Variants in PCDHGA4 observed in about 807,000 individuals in gnomAD.
PCDHGA4 encodes the protein protocadherin gamma subfamily A, 4, also known as protocadherin gamma-A4.
Under a neutral mutation model 54.6 loss-of-function variants are expected in PCDHGA4, and 38 were observed. The observed-to-expected ratio is 0.70, with a 90% CI of 0.54 to 0.91. PCDHGA4 has a LOEUF of 0.91. PCDHGA4 is among the 40% of genes least tolerant of loss of function. PCDHGA4 has a pLI of 0.00. For missense variants in PCDHGA4, 1,298 were observed against 1,220.9 expected, an observed-to-expected ratio of 1.06 and a Z score of -0.94; for synonymous variants, 511 against 512.9, an observed-to-expected ratio of 1.00 and a Z score of 0.05.
chr5:141,423,474 T>C, intron 1 of PCDHGA4: 1 of 1,614,004 alleles, frequency 6.2e-7, no homozygotes, highest in Non-Finnish European at 8.5e-7. Flanking sequence ...GGGTACAGGC[T>C]TTCCTGCAAA....
chr5:141,382,744 A>G (rs767790688), intron 1 of PCDHGA4: 6 of 592,898 alleles, frequency 1.0e-5, no homozygotes, highest in Non-Finnish European at 1.7e-5. Context: ...GAAACGACAG[A>G]TTGCGATAAG....
chr5:141,383,098 A>T, intron 1 of PCDHGA4: 2 of 1,613,954 alleles, frequency 1.2e-6, no homozygotes, highest in Non-Finnish European at 1.7e-6. Context: ...AGTCCGCATC[A>T]TCTCCAGAGG....
intron 1 of PCDHGA4, chr5:141,375,808 G>A (rs992921332): frequency 6.2e-7 from 1 of 1,614,226 alleles, no homozygotes; most frequent in Non-Finnish European, 8.5e-7. Context: ...CCACTGGCGT[G>A]GAGCTGGCGC....
At chr5:141,449,467 C>G (rs1356192128) in intron 1 of PCDHGA4, among the ~76,000 whole-genome samples, 1 of 150,842 alleles carries the variant, frequency 6.6e-6, no homozygotes, top group South Asian at 2.1e-4. Flanking sequence ...ATTAGCCAGG[C>G]CTGGTACCCC....
intron 1 of PCDHGA4, among the ~76,000 whole-genome samples, chr5:141,474,763 A>G (rs2099354251): frequency 6.6e-6 from 1 of 152,254 alleles, no homozygotes; most frequent in Non-Finnish European, 1.5e-5. Flanking sequence ...ATATACAGAA[A>G]TAGTATGAGG....
chr5:141,439,709 A>G (rs2098127560), intron 1 of PCDHGA4: 1 of 152,540 alleles, frequency 6.6e-6, no homozygotes, highest in African/African-American at 2.4e-5. Context: ...TATGGCTCCT[A>G]GTTCTACAAA....
At chr5:141,371,225 C>A in intron 1 of PCDHGA4, 1 of 1,614,046 alleles carries the variant, frequency 6.2e-7, no homozygotes, top group Non-Finnish European at 8.5e-7. Context: ...ATGCCGAAAT[C>A]ATCTATGCCT....
In PCDHGA4 at chr5:141,487,406, C is replaced by T; in HGVS notation, c.2515-7401C>T. The T allele has an allele frequency of 6.2e-7, 1 of 1,614,200 alleles. No individual in the cohort carries two copies. The highest frequency in any genetic ancestry group is 8.5e-7 in the Non-Finnish European group (1 of 1,180,044). ...ATCTCGAAGGAGGGAGGGGCTTCCC[C>T]CTTCCAATGGGATCCTCCGAATCCA... On this transcript the variant is annotated intron_variant, in intron 1 of 3. Coordinates refer to ENST00000571252, the MANE Select transcript of PCDHGA4 (RefSeq NM_018917.4). The surrounding 1 kb of genome is among the most constrained non-coding windows in gnomAD (Gnocchi z 5.0).
chr5:141,430,949 GT>G (rs1391027030), intron 1 of PCDHGA4: 5 of 1,610,510 alleles, frequency 3.1e-6, no homozygotes, highest in Non-Finnish European at 4.2e-6. Flanking sequence ...GGAGCGCGGA[GT>G]CCGCATCATC....
intron 1 of PCDHGA4, chr5:141,367,192 T>G (rs1764986193): frequency 6.3e-6 from 1 of 158,980 alleles, no homozygotes; most frequent in African/African-American, 2.4e-5. Flanking sequence ...GGAAATAATT[T>G]ACAGTATTTA....
At chr5:141,364,873 T>A (rs1002059027) in intron 1 of PCDHGA4, 1 of 1,613,852 alleles carries the variant, frequency 6.2e-7, no homozygotes, top group Non-Finnish European at 8.5e-7. Flanking sequence ...TCTCTCTGGA[T>A]GTGGTAAGCG....
Position 141,477,203 on chromosome 5 carries a change from G to A in PCDHGA4, c.2515-17604G>A. The A allele has an allele frequency of 6.2e-7, 1 of 1,614,176 alleles. No individual in the cohort carries two copies. The highest frequency in any genetic ancestry group is 8.5e-7 in the Non-Finnish European group (1 of 1,180,050). ...CACCTCCGTGTACAGCCCAGTACCC[G>A]AGGATGCCCCTCTGGGGACTGTCAT... On this transcript the variant is annotated intron_variant, in intron 1 of 3. Coordinates refer to ENST00000571252, the MANE Select transcript of PCDHGA4 (RefSeq NM_018917.4). This position sits in a 1 kb window ranked among gnomAD's most constrained non-coding sequence, Gnocchi z 4.9.
At chr5:141,455,159 G>GT (rs1390145608) in intron 1 of PCDHGA4, among the ~76,000 whole-genome samples, 2,419 of 144,948 alleles carry the variant, frequency 0.017, 50 homozygotes, top group African/African-American at 0.056. Context: ...TTAGTTTGTT[G>GT]GTTTTTTTTT....
At chr5:141,415,447 T>C in intron 1 of PCDHGA4, 1 of 1,614,200 alleles carries the variant, frequency 6.2e-7, no homozygotes, top group South Asian at 1.1e-5. Context: ...GCAGACCTAT[T>C]CCCACGAGGT....
At chr5:141,470,034 C>T (rs1209263598) in intron 1 of PCDHGA4, among the ~76,000 whole-genome samples, 2 of 152,086 alleles carry the variant, frequency 1.3e-5, no homozygotes, top group Non-Finnish European at 2.9e-5. Flanking sequence ...GATGCTGAGG[C>T]GCGAGAACTG....
intron 1 of PCDHGA4, chr5:141,391,108 A>G (rs1253319004): frequency 6.6e-6 from 1 of 152,138 alleles, no homozygotes; most frequent in African/African-American, 2.4e-5. Flanking sequence ...CTAAACTAAT[A>G]TAGCTAGAGG....
Position 141,511,035 on chromosome 5 carries a change from C to A in PCDHGA4, c.2751C>A (p.His917Gln). Residue 917 changes from histidine to glutamine, a missense_variant, in exon 4 of 4, where the codon CAC becomes CAA. Physicochemically the swap from His to Gln is conservative, Grantham distance 24 (BLOSUM62 0). Transcript: ENST00000571252. The stretch of plus-strand genomic sequence containing the variant: ...ACGGACCCCAGTTCACCCTGCAGCA[C>A]GTGCCCGACTACCGCCAGAATGTCT... ...ARYGPQFTLQ[H>Q]VPDYRQNVYI... 2 of 1,614,208 alleles carry A rather than the reference C, an allele frequency of 1.2e-6. No individual in the cohort carries two copies. The highest frequency in any genetic ancestry group is 1.1e-5 in the South Asian group (1 of 91,088).
In PCDHGA4 at chr5:141,490,647, G is replaced by T; in HGVS notation, c.2515-4160G>T. 6.2e-7 allele frequency: 1 copy of T among 1,614,084 alleles called. No homozygotes were observed. Among genetic ancestry groups the T allele is most frequent in the Non-Finnish European group, 8.5e-7 (1 of 1,180,014 alleles). ...CTTACATCCTAGAAAACCGGCCTCCGGGCTCCCTTCTTTGCACTGTGGCTG... is the reference window on the plus strand; with the variant it reads ...CTTACATCCTAGAAAACCGGCCTCCTGGCTCCCTTCTTTGCACTGTGGCTG... On this transcript the variant is annotated intron_variant, in intron 1 of 3. Transcript: ENST00000571252. This position sits in a 1 kb window ranked among gnomAD's most constrained non-coding sequence, Gnocchi z 5.4.
chr5:141,369,898 C>A (rs1410359575), intron 1 of PCDHGA4, among the ~76,000 whole-genome samples: 1 of 152,106 alleles, frequency 6.6e-6, no homozygotes, highest in Non-Finnish European at 1.5e-5. Flanking sequence ...TTATTATGAC[C>A]ATTTTATGAA....
Sources: allele counts gnomAD v4.1 joint callset (sites outside exome capture counted in the v4.1 genomes callset), GRCh38; gene constraint gnomAD v4.1.1; non-coding constraint Gnocchi (gnomAD v3.1); transcripts MANE v1.5; gene names NCBI Gene and HGNC (gene_info 2026-07-23, HGNC 2026-07-21).